Variants in NF1 observed in about 807,000 individuals in gnomAD.
NF1 encodes neurofibromin 1.
NF1 carries 122 observed loss-of-function variants against 325.7 expected under a neutral mutation model. The observed-to-expected ratio is 0.37, with a 90% CI of 0.32 to 0.44. The LOEUF (loss-of-function observed/expected upper bound fraction) is 0.44. NF1 is among the 20% of genes least tolerant of loss of function. NF1 has a pLI of 1.00. For missense variants in NF1, 2,140 were observed against 3,415.4 expected, an observed-to-expected ratio of 0.63 and a Z score of 9.31; for synonymous variants, 1,091 against 1,186.0, an observed-to-expected ratio of 0.92 and a Z score of 1.65.
At chr17:31,195,192 A>G (rs2066412910) in intron 8 of NF1, among the ~76,000 whole-genome samples, 1 of 152,114 alleles carries the variant, frequency 6.6e-6, no homozygotes, top group Non-Finnish European at 1.5e-5. Flanking sequence ...TTCAGTGGAA[A>G]AGTAAGCTTC....
intron 51 of NF1, among the ~76,000 whole-genome samples, chr17:31,354,322 TAGC>T (rs2070220361): frequency 1.3e-5 from 2 of 152,038 alleles, no homozygotes; most frequent in Non-Finnish European, 2.9e-5. Flanking sequence ...GCTTGCAAAA[TAGC>T]AGGATAAGTA....
chr17:31,114,299 G>A (rs1213666393), intron 1 of NF1, among the ~76,000 whole-genome samples: 1 of 152,144 alleles, frequency 6.6e-6, no homozygotes, highest in East Asian at 1.9e-4. Context: ...ATGGCTTTGG[G>A]AGGCTGAGGC....
Position 31,230,286 on chromosome 17 carries a change from T to G in NF1, c.3017T>G (p.Val1006Gly). ...VRYVRVLGNMVHAIQIKTKLC... is the reference protein window; with the variant it reads ...VRYVRVLGNMGHAIQIKTKLC... ...TATGTTCGTGTGCTTGGGAATATGGTCCATGCAATTCAAATAAAAACGAAA... is the reference window on the plus strand; with the variant it reads ...TATGTTCGTGTGCTTGGGAATATGGGCCATGCAATTCAAATAAAAACGAAA... The change falls in exon 23 of 58, where the codon GTC becomes GGC. Residue 1006 changes from valine to glycine, a missense_variant. Physicochemically the swap from Val to Gly is moderately radical, Grantham distance 109. Coordinates refer to ENST00000358273, the MANE Select transcript of NF1 (RefSeq NM_001042492.3). 1.2e-6 allele frequency: 2 copies of G among 1,612,836 alleles called. No individual in the cohort carries two copies. Among genetic ancestry groups the G allele is most frequent in the Non-Finnish European group, 1.7e-6 (2 of 1,179,126 alleles).
intron 38 of NF1, among the ~76,000 whole-genome samples, chr17:31,329,872 C>G (rs528865979): frequency 6.6e-6 from 1 of 152,162 alleles, no homozygotes; most frequent in African/African-American, 2.4e-5. Context: ...CCTATGATCC[C>G]CATTATAACT....
chr17:31,335,817 T>C (rs2069651888), intron 40 of NF1, among the ~76,000 whole-genome samples: 1 of 150,630 alleles, frequency 6.6e-6, no homozygotes, highest in South Asian at 2.1e-4. Flanking sequence ...TAGCTGGGCC[T>C]ACAGGTGCAC....
At chr17:31,361,948 G>C (rs548490293) in intron 57 of NF1, among the ~76,000 whole-genome samples, 13 of 152,224 alleles carry the variant, frequency 8.5e-5, no homozygotes, top group African/African-American at 2.9e-4. Flanking sequence ...TTTTCCCCCA[G>C]AAGTAAGAGA....
chr17:31,154,732 CTTTTTTTTTTT>C (rs71142026), intron 1 of NF1, among the ~76,000 whole-genome samples: 1 of 103,394 alleles, frequency 9.7e-6, no homozygotes, highest in Non-Finnish European at 1.9e-5. Context: ...TTAGTATTTC[CTTTTTTTTTTT>C]TTTTTTTTTT....
intron 36 of NF1, chr17:31,294,568 C>T: frequency 5.6e-6 from 1 of 177,648 alleles, no homozygotes; most frequent in South Asian, 1.2e-4. Flanking sequence ...AAGATTTTAC[C>T]AAGGTACCCT....
chr17:31,149,430 C>G (rs1254198219), intron 1 of NF1, among the ~76,000 whole-genome samples: 1 of 152,074 alleles, frequency 6.6e-6, no homozygotes, highest in Non-Finnish European at 1.5e-5. Context: ...TCCCAAGTAG[C>G]TGGGATTATA....
chr17:31,277,647 A>T (rs2068033979), intron 36 of NF1, among the ~76,000 whole-genome samples: 1 of 152,016 alleles, frequency 6.6e-6, no homozygotes, highest in East Asian at 1.9e-4. Context: ...TACAAGCGGA[A>T]GATTAGGGAG....
chr17:31,138,969 A>G (rs1916003781), intron 1 of NF1, among the ~76,000 whole-genome samples: 1 of 151,826 alleles, frequency 6.6e-6, no homozygotes, highest in Non-Finnish European at 1.5e-5. Context: ...AATTGTGTGT[A>G]CTTGGTTCTT....
chr17:31,302,034 G>A (rs2068583447), intron 36 of NF1, among the ~76,000 whole-genome samples: 1 of 152,076 alleles, frequency 6.6e-6, no homozygotes. Flanking sequence ...GATTAAGCAA[G>A]GATTGCCACT....
intron 1 of NF1, among the ~76,000 whole-genome samples, chr17:31,114,835 C>G (rs1281822363): frequency 6.6e-6 from 1 of 152,068 alleles, no homozygotes; most frequent in East Asian, 1.9e-4. Context: ...GCCTGGGCGA[C>G]AGAGCAAGAC....
At chr17:31,243,428 G>A (rs576997532) in intron 29 of NF1, among the ~76,000 whole-genome samples, 2 of 152,100 alleles carry the variant, frequency 1.3e-5, no homozygotes, top group East Asian at 1.9e-4. Flanking sequence ...GTCCAGAGAT[G>A]CCATTCAGGA....
intron 30 of NF1, chr17:31,251,512 T>G (rs1002929772): frequency 1.0e-5 from 2 of 194,826 alleles, no homozygotes; most frequent in Non-Finnish European, 2.1e-5. Context: ...TTCTCATGTG[T>G]TGTTTTCACT....
At chr17:31,139,904 T>C (rs974373129) in intron 1 of NF1, among the ~76,000 whole-genome samples, 1 of 152,214 alleles carries the variant, frequency 6.6e-6, no homozygotes, top group Admixed American at 6.5e-5. Flanking sequence ...CCAAATTATC[T>C]GTAGACTGGT....
At chr17:31,340,162 A>C (rs1456808750) in intron 46 of NF1, 1 of 305,528 alleles carries the variant, frequency 3.3e-6, no homozygotes, top group Non-Finnish European at 6.2e-6. Flanking sequence ...TTTATAATAA[A>C]GAAGGTTGGC....
At chr17:31,221,274 G>C (rs1390452854) in intron 14 of NF1, among the ~76,000 whole-genome samples, 1 of 151,914 alleles carries the variant, frequency 6.6e-6, no homozygotes, top group African/African-American at 2.4e-5. Context: ...TGTTCTCTGA[G>C]CCAGATTCCA....
chr17:31,376,417 A>G lies in NF1; in HGVS notation c.*2262A>G, dbSNP rs2070732613. ...ATGATCAGCATTGGCACAAATCAAA[A>G]TTCAGCCGCCTTTGAAATGCAAAAA... is the stretch of plus-strand genomic sequence containing the variant. On this transcript the variant is annotated 3_prime_UTR_variant, in exon 58 of 58. Coordinates refer to ENST00000358273, the MANE Select transcript of NF1 (RefSeq NM_001042492.3). The G allele has an allele frequency of 4.3e-6, 1 of 232,768 alleles. No individual in the cohort carries two copies. The highest frequency in any genetic ancestry group is 2.2e-5 in the African/African-American group (1 of 45,334). The allele number at this position is 232,768 out of a possible 1,614,324, so 14.4% of individuals were successfully genotyped here.
Sources: gnomAD v4.1 joint callset for allele counts (sites outside exome capture counted in the v4.1 genomes callset) on GRCh38, gnomAD v4.1.1 for gene constraint, MANE v1.5 for transcripts, NCBI Gene and HGNC (gene_info 2026-07-23, HGNC 2026-07-21) for gene names.